Variants in CNTN5 observed in about 807,000 individuals in gnomAD.
CNTN5 encodes contactin 5.
A neutral mutation model predicts 129.1 loss-of-function variants in CNTN5; 77 were observed. That is an observed-to-expected ratio of 0.60 (90% CI 0.50 to 0.72). The LOEUF (loss-of-function observed/expected upper bound fraction) is 0.72, where lower values mean the gene tolerates loss of function less well. CNTN5 is among the 30% of genes least tolerant of loss of function. The probability of loss-of-function intolerance (pLI) is 0.00; values close to 1 mark genes in which losing one functional copy is unlikely to be tolerated. For missense variants in CNTN5, 1,478 were observed against 1,328.8 expected (o/e 1.11, Z -1.75); for synonymous variants, 509 against 465.6 (o/e 1.09, Z -1.20).
chr11:100,227,089 A>ATTTAGTATTC (rs1949391490), intron 16 of CNTN5, among the ~76,000 whole-genome samples: 1 of 152,128 alleles, frequency 6.6e-6, no homozygotes, highest in Non-Finnish European at 1.5e-5. Flanking sequence ...TTTTAGTAGA[A>ATTTAGTATTC]TACTAAAAGT....
chr11:100,016,597 ACAT>A (rs1304702860), intron 9 of CNTN5, among the ~76,000 whole-genome samples: 1 of 151,916 alleles, frequency 6.6e-6, no homozygotes, highest in Non-Finnish European at 1.5e-5. Context: ...GGTGCTTTTT[ACAT>A]CCATTGTCCC....
intron 7 of CNTN5, among the ~76,000 whole-genome samples, chr11:99,953,532 C>G (rs942261605): frequency 1.3e-5 from 2 of 152,096 alleles, no homozygotes; most frequent in Non-Finnish European, 2.9e-5. Flanking sequence ...AACTAAAATC[C>G]AAAGTATACT....
At position 100,108,168 on chromosome 11, in the gene CNTN5, A is replaced by T. The variant is rs79861451; in HGVS notation, c.1580+33874A>T. Among the ~76,000 whole-genome samples the T allele has an allele frequency of 6.6e-3, 1,004 of 152,088 alleles. 11 individuals carry two copies. Among genetic ancestry groups the T allele is most frequent in the African/African-American group, 0.023 (960 of 41,500 alleles). On this transcript the variant is annotated intron_variant, in intron 13 of 24. Transcript: ENST00000524871. ...CAAGCTGAGAACGGCACCTGATCTT[A>T]TAGAGAGTAGGGAGATAAAATATTA... is the stretch of plus-strand genomic sequence containing the variant.
intron 8 of CNTN5, among the ~76,000 whole-genome samples, chr11:99,975,558 G>A (rs10894206): frequency 0.38 from 57,015 of 151,984 alleles, 11,195 homozygotes; most frequent in African/African-American, 0.45. Context: ...ACAGATCCAC[G>A]TGGCTGGGGA....
chr11:99,758,381 A>C (rs891221713), intron 3 of CNTN5, among the ~76,000 whole-genome samples: 1 of 152,090 alleles, frequency 6.6e-6, no homozygotes, highest in Non-Finnish European at 1.5e-5. Context: ...TATTTGTCAG[A>C]CCAGACTAAC....
chr11:99,530,418 C>A (rs117365839), intron 2 of CNTN5, among the ~76,000 whole-genome samples: 2,535 of 152,224 alleles, frequency 0.017, 25 homozygotes, highest in Non-Finnish European at 0.025. Context: ...TTGATTCATA[C>A]AATAACAAAC....
intron 3 of CNTN5, among the ~76,000 whole-genome samples, chr11:99,704,274 C>T (rs1289196702): frequency 2.7e-5 from 4 of 150,934 alleles, no homozygotes; most frequent in African/African-American, 9.7e-5. Flanking sequence ...AGTTAAATCA[C>T]ACAGGAACTT....
intron 2 of CNTN5, among the ~76,000 whole-genome samples, chr11:99,392,540 T>A (rs928749010): frequency 6.6e-6 from 1 of 151,888 alleles, no homozygotes; most frequent in African/African-American, 2.4e-5. Flanking sequence ...ACCATCTGCA[T>A]TGCCAGTGAT....
intron 3 of CNTN5, among the ~76,000 whole-genome samples, chr11:99,793,174 C>T (rs1945813784): frequency 6.6e-6 from 1 of 152,048 alleles, no homozygotes; most frequent in South Asian, 2.1e-4. Context: ...ATTCTCCTGC[C>T]TCAGCCTCCC....
intron 15 of CNTN5, among the ~76,000 whole-genome samples, chr11:100,212,230 A>T (rs1949047821): frequency 6.6e-6 from 1 of 152,206 alleles, no homozygotes; most frequent in Non-Finnish European, 1.5e-5. Flanking sequence ...GTTCTATGTC[A>T]CCTTGTATAG....
At chr11:100,300,752 T>G (rs1350212750) in intron 20 of CNTN5, among the ~76,000 whole-genome samples, 1 of 151,470 alleles carries the variant, frequency 6.6e-6, no homozygotes, top group African/African-American at 2.4e-5. Flanking sequence ...AAGTGAAAAA[T>G]CAAGTAATGG....
chr11:99,538,770 G>T (rs556651631), intron 2 of CNTN5, among the ~76,000 whole-genome samples: 4 of 152,134 alleles, frequency 2.6e-5, no homozygotes, highest in East Asian at 1.9e-4. Context: ...TTAACTGTTT[G>T]CCCATTTCAT....
chr11:100,049,820 G>A (rs1942864491), intron 9 of CNTN5, among the ~76,000 whole-genome samples: 2 of 152,110 alleles, frequency 1.3e-5, no homozygotes, highest in African/African-American at 2.4e-5. Flanking sequence ...CAAAGGACAT[G>A]AACAGACACT....
At chr11:99,849,060 G>A (rs1035190702) in intron 6 of CNTN5, among the ~76,000 whole-genome samples, 1 of 151,872 alleles carries the variant, frequency 6.6e-6, no homozygotes, top group African/African-American at 2.4e-5. Context: ...AACGTAGGAT[G>A]GGGCTCTCCT....
intron 3 of CNTN5, among the ~76,000 whole-genome samples, chr11:99,622,734 A>G (rs1279071501): frequency 1.3e-5 from 2 of 152,100 alleles, no homozygotes; most frequent in African/African-American, 2.4e-5. Context: ...TGATTATTCA[A>G]TGAAAAGGCC....
At chr11:99,876,931 T>C (rs1327968903) in intron 6 of CNTN5, among the ~76,000 whole-genome samples, 2 of 152,208 alleles carry the variant, frequency 1.3e-5, no homozygotes, top group African/African-American at 4.8e-5. Flanking sequence ...AACTTTTGTG[T>C]GCCTCAGTTT....
intron 3 of CNTN5, among the ~76,000 whole-genome samples, chr11:99,721,549 G>T (rs1838601252): frequency 6.6e-6 from 1 of 151,942 alleles, no homozygotes; most frequent in Admixed American, 6.6e-5. Flanking sequence ...AACCTAGGCA[G>T]TACCATCCTG....
chr11:99,976,452 A>T (rs1469847859), intron 8 of CNTN5, among the ~76,000 whole-genome samples: 1 of 152,154 alleles, frequency 6.6e-6, no homozygotes, highest in Non-Finnish European at 1.5e-5. Context: ...ATGTTCTATG[A>T]GGTCTCCACC....
At chr11:99,681,564 T>C (rs1953555351) in intron 3 of CNTN5, among the ~76,000 whole-genome samples, 1 of 152,080 alleles carries the variant, frequency 6.6e-6, no homozygotes, top group East Asian at 1.9e-4. Flanking sequence ...ATTTACATTT[T>C]TTAGATGAAT....
Sources: gnomAD v4.1 joint callset for allele counts (sites outside exome capture counted in the v4.1 genomes callset) on GRCh38, gnomAD v4.1.1 for gene constraint, MANE v1.5 for transcripts, NCBI Gene and HGNC (gene_info 2026-07-23, HGNC 2026-07-21) for gene names.